Variants in SERTM1 observed in about 807,000 individuals in gnomAD.
SERTM1 encodes serine-rich and transmembrane domain-containing protein 1.
In SERTM1, 1 loss-of-function variant was observed where a neutral mutation model predicts 5.5. The observed-to-expected ratio is 0.18, with a 90% CI of 0.06 to 0.86. The LOEUF (loss-of-function observed/expected upper bound fraction) is 0.86. Ranked by LOEUF, SERTM1 falls within the 40% of genes least tolerant of loss-of-function variation. The probability of loss-of-function intolerance (pLI) is 0.69; values close to 1 mark genes in which losing one functional copy is unlikely to be tolerated. For missense variants in SERTM1, 91 were observed against 122.4 expected (o/e 0.74, Z 1.21); for synonymous variants, 52 against 55.1 (o/e 0.94, Z 0.25).
rs74468845 is a variant in SERTM1 at position 36,695,938 on chromosome 13, C to A, written c.*536C>A. The A allele has an allele frequency of 6.0e-6, 1 of 167,238 alleles. No homozygotes were observed. The highest frequency in any genetic ancestry group is 1.9e-4 in the East Asian group (1 of 5,184). The allele number at this position is 167,238 out of a possible 1,614,324, so 10.4% of individuals were successfully genotyped here. ...AGGGTAAATATATGCTAAATATTTT[C>A]TTTAACTTCACTTTAACAAGTAAAA... is the stretch of plus-strand genomic sequence containing the variant. On this transcript the variant is annotated 3_prime_UTR_variant, in exon 2 of 2. Transcript: ENST00000315190.
intron 1 of SERTM1, among the ~76,000 whole-genome samples, chr13:36,675,481 C>T (rs903232364): frequency 1.3e-5 from 2 of 152,190 alleles, no homozygotes; most frequent in Non-Finnish European, 2.9e-5. Context: ...GGGTTTGTCT[C>T]TTAATGCAGT....
In SERTM1 at chr13:36,695,117, T is replaced by G; in HGVS notation, c.39T>G (p.Ser13Arg). ...ACACTTCCTCAGGATTTTCGGGAAG[T>G]GTGGAGAATGGAACTTTTCTTGAGC... ...EPDTSSGFSGSVENGTFLELF... is the reference protein window; with the variant it reads ...EPDTSSGFSGRVENGTFLELF... The change falls in exon 2 of 2, where the codon AGT becomes AGG. Residue 13 changes from serine (S) to arginine (R), a missense_variant. Transcript: ENST00000315190. 1.9e-6 allele frequency: 3 copies of G among 1,614,126 alleles called. No individual in the cohort carries two copies. Among genetic ancestry groups the G allele is most frequent in the Non-Finnish European group, 2.5e-6 (3 of 1,180,006 alleles).
At chr13:36,691,254 T>C (rs2056776260) in intron 1 of SERTM1, among the ~76,000 whole-genome samples, 1 of 152,116 alleles carries the variant, frequency 6.6e-6, no homozygotes, top group Non-Finnish European at 1.5e-5. Flanking sequence ...GAGAGTATGT[T>C]TTTCTTCTTC....
chr13:36,674,895 CCTCTTCCCGGGTCTGATGAGACA>C (rs1319850395), intron 1 of SERTM1, among the ~76,000 whole-genome samples: 2 of 152,108 alleles, frequency 1.3e-5, no homozygotes, highest in African/African-American at 4.8e-5. Flanking sequence ...CGACCCTTCC[CCTCTTCCCGGGTCTGATGAGACA>C]CTGGAATCCT....
At chr13:36,683,923 A>G (rs1186229010) in intron 1 of SERTM1, among the ~76,000 whole-genome samples, 2 of 152,228 alleles carry the variant, frequency 1.3e-5, no homozygotes, top group African/African-American at 4.8e-5. Flanking sequence ...TGGAATGAAC[A>G]TACAATTTGG....
intron 1 of SERTM1, among the ~76,000 whole-genome samples, chr13:36,683,678 G>T (rs1199627950): frequency 6.6e-6 from 1 of 152,070 alleles, no homozygotes; most frequent in Non-Finnish European, 1.5e-5. Context: ...GAAGAGGTGT[G>T]GCAAGTCTCA....
At chr13:36,687,071 T>A (rs2056746012) in intron 1 of SERTM1, among the ~76,000 whole-genome samples, 1 of 152,204 alleles carries the variant, frequency 6.6e-6, no homozygotes, top group African/African-American at 2.4e-5. Context: ...AAAATTCATA[T>A]GTATATGTTA....
chr13:36,692,352 A>G (rs1263572547), intron 1 of SERTM1, among the ~76,000 whole-genome samples: 1 of 152,246 alleles, frequency 6.6e-6, no homozygotes, highest in East Asian at 1.9e-4. Flanking sequence ...CTGTAAAATG[A>G]TATTAACAAG....
In SERTM1 at chr13:36,679,933, T is replaced by G. The variant is rs1012488672; in HGVS notation, c.-174+5749T>G. The stretch of plus-strand genomic sequence containing the variant: ...GTTCAACGCACACAACTTTGTTTCA[T>G]GCAAAAAAAAATATTAAACATATTG... On this transcript the variant is annotated intron_variant, in intron 1 of 1. Coordinates refer to ENST00000315190, the MANE Select transcript of SERTM1 (RefSeq NM_203451.3). 3.9e-5 allele frequency among the ~76,000 whole-genome samples: 6 copies of G among 152,132 alleles called. 1 individual carries two copies. The highest frequency in any genetic ancestry group is 6.5e-5 in the Admixed American group (1 of 15,290).
At chr13:36,689,586 G>A (rs2056764936) in intron 1 of SERTM1, among the ~76,000 whole-genome samples, 1 of 149,536 alleles carries the variant, frequency 6.7e-6, no homozygotes, top group Non-Finnish European at 1.5e-5. Flanking sequence ...ATAAATGCAA[G>A]GGACTTATAC....
chr13:36,692,301 C>T (rs934694826), intron 1 of SERTM1, among the ~76,000 whole-genome samples: 1 of 152,180 alleles, frequency 6.6e-6, no homozygotes, highest in Non-Finnish European at 1.5e-5. Context: ...TGAAAGAAGG[C>T]AATCTTCTGG....
intron 1 of SERTM1, among the ~76,000 whole-genome samples, chr13:36,675,241 A>G (rs78136748): frequency 0.019 from 2,937 of 152,212 alleles, 99 homozygotes; most frequent in African/African-American, 0.067. Context: ...GTGGTAAATG[A>G]TGGGCTCCGA....
At chr13:36,693,408 T>TTC (rs1566232481) in intron 1 of SERTM1, among the ~76,000 whole-genome samples, 1 of 151,610 alleles carries the variant, frequency 6.6e-6, no homozygotes, top group East Asian at 1.9e-4. Flanking sequence ...TTTTTTTTTT[T>TTC]CCTTAAGGTT....
chr13:36,676,452 T>G (rs1458537779), intron 1 of SERTM1, among the ~76,000 whole-genome samples: 1 of 152,152 alleles, frequency 6.6e-6, no homozygotes, highest in Admixed American at 6.5e-5. Context: ...TACGAGCATT[T>G]TTATACTTAA....
At chr13:36,692,260 A>G (rs1472396425) in intron 1 of SERTM1, among the ~76,000 whole-genome samples, 1 of 152,214 alleles carries the variant, frequency 6.6e-6, no homozygotes, top group Non-Finnish European at 1.5e-5. Context: ...CTCTCCTGTC[A>G]ACAGTTGAGG....
intron 1 of SERTM1, among the ~76,000 whole-genome samples, chr13:36,688,090 CA>C (rs557754053): frequency 6.6e-6 from 1 of 151,704 alleles, no homozygotes; most frequent in African/African-American, 2.4e-5. Context: ...TCTGGTTGGA[CA>C]AAAAATATAT....
chr13:36,678,367 T>C (rs2056682410), intron 1 of SERTM1, among the ~76,000 whole-genome samples: 1 of 152,112 alleles, frequency 6.6e-6, no homozygotes, highest in Non-Finnish European at 1.5e-5. Context: ...GTAGTAGTTG[T>C]TGTTTTACAA....
intron 1 of SERTM1, among the ~76,000 whole-genome samples, chr13:36,678,218 A>G (rs2056681436): frequency 6.6e-6 from 1 of 152,224 alleles, no homozygotes; most frequent in Non-Finnish European, 1.5e-5. Context: ...AGATACAGAA[A>G]TGCACAAAAT....
chr13:36,692,117 G>A (rs1174215568), intron 1 of SERTM1, among the ~76,000 whole-genome samples: 1 of 152,196 alleles, frequency 6.6e-6, no homozygotes, highest in Non-Finnish European at 1.5e-5. Context: ...GAATACTTAA[G>A]GAAGAAGATA....
Sources: gnomAD v4.1 joint callset for allele counts (sites outside exome capture counted in the v4.1 genomes callset) on GRCh38, gnomAD v4.1.1 for gene constraint, MANE v1.5 for transcripts, NCBI Gene and HGNC (gene_info 2026-07-23, HGNC 2026-07-21) for gene names.